The following SHANK2 variants were observed in gnomAD, a reference collection of about 807,000 sequenced individuals.
The protein encoded by SHANK2 is SH3 and multiple ankyrin repeat domains protein 2.
A neutral mutation model predicts 133.7 loss-of-function variants in SHANK2; 43 were observed. The ratio of observed to expected loss-of-function variants is 0.32; its 90% CI spans 0.25 to 0.41. The LOEUF is 0.41. Among genes scored for constraint, SHANK2 ranks in the 10% least tolerant of loss-of-function variants. The pLI is 1.00. For missense variants in SHANK2, 1,994 were observed against 2,235.8 expected (o/e 0.89, Z 2.18); for synonymous variants, 1,017 against 952.8 (o/e 1.07, Z -1.24).
chr11:70,950,353 G>A (rs1338704501), intron 10 of SHANK2, among the ~76,000 whole-genome samples: 2 of 151,784 alleles, frequency 1.3e-5, no homozygotes, highest in Admixed American at 6.6e-5. Context: ...ATCACACCCA[G>A]CTAACTTTTG....
intron 14 of SHANK2, among the ~76,000 whole-genome samples, chr11:70,703,233 A>G (rs1945578769): frequency 6.6e-6 from 1 of 152,128 alleles, no homozygotes; most frequent in African/African-American, 2.4e-5. Context: ...TGTCTGGTTT[A>G]CGGGTGAGGA....
intron 8 of SHANK2, among the ~76,000 whole-genome samples, chr11:71,089,434 T>A (rs902325311): frequency 0.79 from 119,096 of 151,622 alleles, 46,800 homozygotes; most frequent in East Asian, 0.86. Context: ...TGTATGTACA[T>A]GCGTGCGTGC....
chr11:70,549,148 C>A (rs546189497), intron 17 of SHANK2, among the ~76,000 whole-genome samples: 1 of 152,160 alleles, frequency 6.6e-6, no homozygotes, highest in Admixed American at 6.5e-5. Flanking sequence ...CACACGGGGG[C>A]GCTCGACGTG....
Position 70,670,459 on chromosome 11 carries a change from G to A in SHANK2, c.1854-8781C>T, listed in dbSNP as rs868912083. Among the ~76,000 whole-genome samples the A allele has an allele frequency of 3.3e-5, 5 of 152,330 alleles. No individual in the cohort carries two copies. In the South Asian group the frequency reaches 8.3e-4, roughly 25 times the overall value. ...CCAGCTCGGGCGCTTTGGCCGCCGG[G>A]TGCGGGCAGCCAGCCCAGCTCACCG... On this transcript the variant is annotated intron_variant, in intron 15 of 25. Transcript: ENST00000601538.
At chr11:71,062,654 A>G (rs1163499797) in intron 9 of SHANK2, among the ~76,000 whole-genome samples, 1 of 151,762 alleles carries the variant, frequency 6.6e-6, no homozygotes, top group Non-Finnish European at 1.5e-5. Context: ...AGCCTGGGAC[A>G]CTCTTCCCCA....
chr11:71,120,444 A>T (rs1952060630), intron 3 of SHANK2, among the ~76,000 whole-genome samples: 1 of 152,196 alleles, frequency 6.6e-6, no homozygotes, highest in South Asian at 2.1e-4. Flanking sequence ...AGGCCCTATC[A>T]TCTTCCCAAG....
chr11:70,633,007 G>A (rs7121116), intron 17 of SHANK2, among the ~76,000 whole-genome samples: 1,894 of 152,132 alleles, frequency 0.012, 38 homozygotes, highest in African/African-American at 0.044. Flanking sequence ...TCATTGAGGA[G>A]AGAGGTCCTG....
chr11:70,887,462 G>A (rs566439464), intron 11 of SHANK2, among the ~76,000 whole-genome samples: 62 of 151,872 alleles, frequency 4.1e-4, no homozygotes, highest in African/African-American at 1.4e-3. Flanking sequence ...AACGCTTCGC[G>A]GCAGGCTGAA....
In SHANK2 at chr11:71,092,687, G is replaced by A. The variant is rs1229287053; in HGVS notation, c.745-98C>T. 4.5e-5 allele frequency: 56 copies of A among 1,236,534 alleles called. No homozygotes were observed. In the Admixed American group the frequency reaches 1.1e-3, roughly 24 times the overall value. The allele number at this position is 1,236,534 out of a possible 1,614,324, so 76.6% of individuals were successfully genotyped here. A position where few individuals can be genotyped will look rare whatever the true frequency, so the allele number is the denominator to read the frequency against. Reference sequence around the variant, plus strand: ...GCAGCACCAGGACCACCCTCCCCCAGGTCAAGGCAACCCACACCCTGAGTA... The same window carrying A: ...GCAGCACCAGGACCACCCTCCCCCAAGTCAAGGCAACCCACACCCTGAGTA... On this transcript the variant is annotated intron_variant, in intron 7 of 25. Transcript: ENST00000601538.
intron 2 of SHANK2, among the ~76,000 whole-genome samples, chr11:71,190,886 T>C (rs1953779649): frequency 3.9e-5 from 6 of 152,136 alleles, no homozygotes; most frequent in African/African-American, 1.4e-4. Context: ...TTGTGAAGCT[T>C]AAATGTGAGG....
chr11:71,146,465 C>A (rs192095627), intron 3 of SHANK2, among the ~76,000 whole-genome samples: 6 of 151,748 alleles, frequency 4.0e-5, no homozygotes, highest in African/African-American at 1.5e-4. Context: ...CAGGGGCCAA[C>A]CTCCTCGGGG....
chr11:71,210,730 G>C (rs1483482359), intron 2 of SHANK2, among the ~76,000 whole-genome samples: 2 of 152,104 alleles, frequency 1.3e-5, no homozygotes, highest in Non-Finnish European at 2.9e-5. Flanking sequence ...AAGAGACCCA[G>C]GCGTCTGCTG....
At chr11:71,215,357 C>T (rs1476222618) in intron 2 of SHANK2, among the ~76,000 whole-genome samples, 8 of 152,174 alleles carry the variant, frequency 5.3e-5, no homozygotes, top group Admixed American at 5.2e-4. Flanking sequence ...TCTGAACACG[C>T]CACTCTGTCA....
chr11:71,110,187 C>A, intron 5 of SHANK2, 138 bp from the exon 6 acceptor site: 1 of 647,016 alleles, frequency 1.5e-6, no homozygotes, highest in Admixed American at 2.5e-5. Context: ...GCCTGTAATC[C>A]CAGCACTTTG....
At chr11:70,603,118 G>C (rs1042072607) in intron 17 of SHANK2, among the ~76,000 whole-genome samples, 2 of 152,278 alleles carry the variant, frequency 1.3e-5, no homozygotes, top group Non-Finnish European at 2.9e-5. Flanking sequence ...AGGAAGCGGT[G>C]GTGGGGGACC....
At chr11:70,592,858 C>A (rs2060343957) in intron 17 of SHANK2, among the ~76,000 whole-genome samples, 1 of 152,228 alleles carries the variant, frequency 6.6e-6, no homozygotes, top group Admixed American at 6.5e-5. Context: ...CAGAGGGACA[C>A]CCAGACATCC....
At chr11:70,785,590 C>T (rs12794329) in intron 14 of SHANK2, among the ~76,000 whole-genome samples, 6 of 152,240 alleles carry the variant, frequency 3.9e-5, no homozygotes, top group Non-Finnish European at 8.8e-5. Flanking sequence ...ACCTCTGTCT[C>T]TCCAGCACCC....
chr11:71,216,362 C>T (rs1056405468), intron 2 of SHANK2, among the ~76,000 whole-genome samples: 5 of 152,130 alleles, frequency 3.3e-5, no homozygotes, highest in Admixed American at 6.5e-5. Flanking sequence ...AGAAGATGGA[C>T]ACAAAGGTCA....
At chr11:71,117,471 G>A (rs1951998989) in intron 4 of SHANK2, among the ~76,000 whole-genome samples, 1 of 152,206 alleles carries the variant, frequency 6.6e-6, no homozygotes, top group Non-Finnish European at 1.5e-5. Flanking sequence ...CTAATGAGAT[G>A]ACTCTCAACT....
Sources: allele counts gnomAD v4.1 joint callset (sites outside exome capture counted in the v4.1 genomes callset), GRCh38; gene constraint gnomAD v4.1.1; transcripts MANE v1.5; gene names NCBI Gene and HGNC (gene_info 2026-07-23, HGNC 2026-07-21).